PPP1R11: variants seen among roughly 807,000 people sequenced by gnomAD.
PPP1R11 encodes the protein E3 ubiquitin-protein ligase PPP1R11.
Under a neutral mutation model 11.3 loss-of-function variants are expected in PPP1R11, and 10 were observed. The observed-to-expected ratio is 0.88, with a 90% CI of 0.55 to 1.50. The LOEUF is 1.50. Ranked by LOEUF, PPP1R11 falls within the 40% of genes most tolerant of loss-of-function variation. The pLI, the probability that PPP1R11 is intolerant of heterozygous loss-of-function variation, is 0.00. For synonymous variants in PPP1R11, 56 were observed against 62.3 expected (o/e 0.90, Z 0.48); for missense variants, 114 against 179.1 (o/e 0.64, Z 2.07).
chr6:30,062,714 C>CTTTTTT (rs9278555), upstream of PPP1R11, among the ~76,000 whole-genome samples: 18 of 42,386 alleles, frequency 4.2e-4, no homozygotes, highest in African/African-American at 9.1e-4. Flanking sequence ...CCACGCCTGG[C>CTTTTTT]TTTTTTTTTT....
At chr6:30,061,461 C>G in the PPP1R11 span, 1 of 1,584,656 alleles carries the variant, frequency 6.3e-7, no homozygotes, top group South Asian at 1.1e-5. This position sits in a 1 kb window ranked among gnomAD's most constrained non-coding sequence, Gnocchi z 5.0. Flanking sequence ...GTTACGACCT[C>G]TGGGACAGGA....
upstream of PPP1R11, among the ~76,000 whole-genome samples, chr6:30,063,586 G>A (rs1476473631): frequency 2.0e-5 from 3 of 151,602 alleles, no homozygotes; most frequent in African/African-American, 7.3e-5. The surrounding 1 kb of genome is among the most constrained non-coding windows in gnomAD (Gnocchi z 4.1). Flanking sequence ...TGATATCTGC[G>A]GATTTTGTGT....
chr6:30,067,422 AGGGGC>A lies in PPP1R11; in HGVS notation c.13_17del (p.Gly5TrpfsTer8). The A allele has an allele frequency of 6.2e-7, 1 of 1,614,084 alleles. No homozygotes were observed. The highest frequency in any genetic ancestry group is 8.5e-7 in the Non-Finnish European group (1 of 1,179,974). The stretch of plus-strand genomic sequence containing the variant: ...CCTGAGCCTTAGCCATGGCCGAGGC[AGGGGC>A]TGGGCTGAGCGAGACCGTCACTGAG... On this transcript the variant is annotated frameshift_variant, in exon 1 of 3. Transcript: ENST00000376772. LOFTEE classifies it high-confidence loss of function.
chr6:30,067,361 A>G lies in PPP1R11; in HGVS notation c.-50A>G. The G allele has an allele frequency of 1.9e-6, 3 of 1,553,756 alleles. No individual in the cohort carries two copies. The African/African-American group carries it at 4.1e-5, about 21-fold the overall frequency. On this transcript the variant is annotated 5_prime_UTR_variant, in exon 1 of 3. Coordinates refer to ENST00000376772, the MANE Select transcript of PPP1R11 (RefSeq NM_021959.3). The stretch of plus-strand genomic sequence containing the variant: ...TAGACCTCAGCGACAGAAAAAGGGA[A>G]GGGTGTCTCATCCCCCTTCCTCCTC...
At chr6:30,062,714 C>CTTTT (rs9278555), upstream of PPP1R11, among the ~76,000 whole-genome samples, 46 of 42,338 alleles carry the variant, frequency 1.1e-3, 1 homozygote, top group African/African-American at 2.6e-3. Context: ...CCACGCCTGG[C>CTTTT]TTTTTTTTTT....
chr6:30,067,084 T>G, upstream of PPP1R11: 1 of 346,474 alleles, frequency 2.9e-6, no homozygotes, highest in Non-Finnish European at 5.3e-6. Flanking sequence ...CCAAATTTGT[T>G]TCTCTTTCTT....
At chr6:30,067,168 TG>T (rs890142578), upstream of PPP1R11, 4 of 445,912 alleles carry the variant, frequency 9.0e-6, no homozygotes, top group African/African-American at 6.1e-5. Context: ...TTTGGTGCCG[TG>T]GAAGGGAAAA....
At chr6:30,061,453 T>TA in the PPP1R11 span, 3 of 1,563,744 alleles carry the variant, frequency 1.9e-6, no homozygotes, top group African/African-American at 1.4e-5. The surrounding 1 kb of genome is among the most constrained non-coding windows in gnomAD (Gnocchi z 5.0). Context: ...ACAGAATAGT[T>TA]ACGACCTCTG....
At chr6:30,064,717 T>C, upstream of PPP1R11, 1 of 1,608,290 alleles carries the variant, frequency 6.2e-7, no homozygotes. Context: ...TGGGCAACTC[T>C]ACAGTCCCTC....
At chr6:30,063,598 T>C (rs942897024), upstream of PPP1R11, among the ~76,000 whole-genome samples, 1 of 152,094 alleles carries the variant, frequency 6.6e-6, no homozygotes, top group Non-Finnish European at 1.5e-5. This position sits in a 1 kb window ranked among gnomAD's most constrained non-coding sequence, Gnocchi z 4.1. Flanking sequence ...ATTTTGTGTG[T>C]CTGATGCTGC....
In PPP1R11 at chr6:30,069,822, C is replaced by T. The variant is rs1765793350; in HGVS notation, c.*516C>T. On this transcript the variant is annotated 3_prime_UTR_variant, in exon 3 of 3. Transcript: ENST00000376772. This position sits in a 1 kb window ranked among gnomAD's most constrained non-coding sequence, Gnocchi z 6.6. Reference sequence around the variant, plus strand: ...TACAGGAGACCTCAGAGCTCCCAGCCCTTCTCCTCCTGCTAACCCTTCTCA... The same window carrying T: ...TACAGGAGACCTCAGAGCTCCCAGCTCTTCTCCTCCTGCTAACCCTTCTCA... The T allele has an allele frequency of 6.5e-6, 1 of 154,462 alleles. No homozygotes were observed. Among genetic ancestry groups the T allele is most frequent in the African/African-American group, 2.4e-5 (1 of 41,512 alleles). 9.6% of individuals were successfully genotyped at this position (154,462 alleles called of 1,614,324 possible).
chr6:30,061,945 G>T, upstream of PPP1R11: 5 of 1,613,104 alleles, frequency 3.1e-6, no homozygotes, highest in Non-Finnish European at 4.2e-6. The surrounding 1 kb of genome is among the most constrained non-coding windows in gnomAD (Gnocchi z 5.0). Context: ...TGAAGACTTC[G>T]GTTGTGTTCC....
the PPP1R11 span, chr6:30,061,267 A>G: frequency 2.5e-6 from 1 of 404,030 alleles, no homozygotes; most frequent in South Asian, 6.5e-5. The surrounding 1 kb of genome is among the most constrained non-coding windows in gnomAD (Gnocchi z 5.0). Flanking sequence ...GCGGGCGCAG[A>G]GCTGGCGCTC....
At chr6:30,061,790 G>T (rs1012892944), upstream of PPP1R11, 5 of 1,559,478 alleles carry the variant, frequency 3.2e-6, no homozygotes, top group African/African-American at 2.7e-5. The surrounding 1 kb of genome is among the most constrained non-coding windows in gnomAD (Gnocchi z 5.0). Context: ...TGTACATTTG[G>T]TCTAGCGATG....
chr6:30,061,761 G>T, upstream of PPP1R11: 1 of 1,583,906 alleles, frequency 6.3e-7, no homozygotes, highest in Non-Finnish European at 8.6e-7. This position sits in a 1 kb window ranked among gnomAD's most constrained non-coding sequence, Gnocchi z 5.0. Context: ...GGGGATCCTA[G>T]AGCAGGACAT....
rs775096453 is a variant in PPP1R11, at chr6:30,067,529, G to A, written c.69+50G>A. The A allele has an allele frequency of 2.5e-6, 4 of 1,574,410 alleles. No homozygotes were observed. In the Middle Eastern group the frequency reaches 5.0e-4, roughly 197 times the overall value. The stretch of plus-strand genomic sequence containing the variant: ...TGTTTAGGGGTCTGGGAGATACTGG[G>A]AGGGAGGGGACAGGGATTAGAAGAG... On this transcript the variant is annotated intron_variant, in intron 1 of 2. Transcript: ENST00000376772.
At chr6:30,062,714 CTTTTTTTTTTTTTTT>C (rs9278555), upstream of PPP1R11, among the ~76,000 whole-genome samples, 42 of 42,388 alleles carry the variant, frequency 9.9e-4, no homozygotes, top group Admixed American at 1.8e-3. Flanking sequence ...CCACGCCTGG[CTTTTTTTTTTTTTTT>C]TTTTTTTTTT....
the PPP1R11 span, chr6:30,061,518 C>A: frequency 3.1e-6 from 5 of 1,612,936 alleles, no homozygotes; most frequent in Non-Finnish European, 4.2e-6. The surrounding 1 kb of genome is among the most constrained non-coding windows in gnomAD (Gnocchi z 5.0). Context: ...TCCTCAGACC[C>A]GACCGCATGT....
chr6:30,069,383 T>C lies in PPP1R11; in HGVS notation c.*77T>C. The C allele has an allele frequency of 9.0e-7, 1 of 1,109,110 alleles. No individual in the cohort carries two copies. Among genetic ancestry groups the C allele is most frequent in the Non-Finnish European group, 1.3e-6 (1 of 778,556 alleles). The allele number at this position is 1,109,110 out of a possible 1,614,324, so 68.7% of individuals were successfully genotyped here. ...TGTGGCTACTTCTCCAGCCCCCTCC[T>C]TCCCTCTCTTCTGCCTGATAGAGGG... On this transcript the variant is annotated 3_prime_UTR_variant, in exon 3 of 3. Transcript: ENST00000376772. This position sits in a 1 kb window ranked among gnomAD's most constrained non-coding sequence, Gnocchi z 6.6.
Sources: allele counts gnomAD v4.1 joint callset (sites outside exome capture counted in the v4.1 genomes callset), GRCh38; gene constraint gnomAD v4.1.1; non-coding constraint Gnocchi (gnomAD v3.1); transcripts MANE v1.5; gene names NCBI Gene and HGNC (gene_info 2026-07-23, HGNC 2026-07-21).